HS1BP3: variants seen among roughly 807,000 people sequenced by gnomAD.
HS1BP3 encodes the protein HCLS1-binding protein 3.
A neutral mutation model predicts 33.5 loss-of-function variants in HS1BP3; 32 were observed. The observed-to-expected ratio is 0.95, with a 90% CI of 0.72 to 1.28. HS1BP3 has a LOEUF of 1.28. Ranked by LOEUF, HS1BP3 falls within the 50% of genes most tolerant of loss-of-function variation. The probability of loss-of-function intolerance (pLI) is 0.00; values close to 1 mark genes in which losing one functional copy is unlikely to be tolerated. For missense variants in HS1BP3, 486 were observed against 502.3 expected, an observed-to-expected ratio of 0.97 and a Z score of 0.31; for synonymous variants, 187 against 209.2, an observed-to-expected ratio of 0.89 and a Z score of 0.92.
intron 4 of HS1BP3, chr2:20,638,144 A>T (rs1695209168): frequency 1.8e-6 from 1 of 563,146 alleles, no homozygotes; most frequent in Non-Finnish European, 3.1e-6. Flanking sequence ...TGCACTACTG[A>T]GCTGTCACGG....
At chr2:20,595,953 C>G (rs940354827) in intron 3 of HS1BP3, among the ~76,000 whole-genome samples, 2 of 152,226 alleles carry the variant, frequency 1.3e-5, no homozygotes, top group African/African-American at 4.8e-5. Context: ...CACGTTCTTT[C>G]TTAATCACTG....
intron 2 of HS1BP3, among the ~76,000 whole-genome samples, chr2:20,599,807 G>GC (rs1694030943): frequency 6.6e-6 from 1 of 152,146 alleles, no homozygotes; most frequent in Non-Finnish European, 1.5e-5. Flanking sequence ...ATCAGGTCCA[G>GC]CTCCTGTGCC....
At chr2:20,604,159 CAG>C (rs1438444626) in intron 2 of HS1BP3, among the ~76,000 whole-genome samples, 2 of 152,346 alleles carry the variant, frequency 1.3e-5, no homozygotes, top group South Asian at 2.1e-4. Context: ...CTGAGAAACT[CAG>C]GGGAGGTTCT....
Position 20,645,363 on chromosome 2 carries a change from G to T in HS1BP3, c.175C>A (p.Pro59Thr). 6.2e-7 allele frequency: 1 copy of T among 1,613,872 alleles called. No homozygotes were observed. Among genetic ancestry groups the T allele is most frequent in the Non-Finnish European group, 8.5e-7 (1 of 1,179,938 alleles). ...LAAFKSAKHR[P>T]EDVVQFLVSK... ...ACCAAGAACTGGACGACATCCTCGGGCCTGTGCTTGGCCGACTTGAACGCA... is the reference window on the plus strand; with the variant it reads ...ACCAAGAACTGGACGACATCCTCGGTCCTGTGCTTGGCCGACTTGAACGCA... The change falls in exon 2 of 7, where the codon CCC (proline) becomes ACC (threonine). Residue 59 changes from proline to threonine, a missense_variant. Physicochemically the swap from Pro to Thr is conservative, Grantham distance 38. Coordinates refer to ENST00000304031, the MANE Select transcript of HS1BP3 (RefSeq NM_022460.4).
At chr2:20,598,571 T>G (rs955254098) in intron 2 of HS1BP3, among the ~76,000 whole-genome samples, 1 of 29,800 alleles carries the variant, frequency 3.4e-5, no homozygotes, top group African/African-American at 1.3e-4. Flanking sequence ...TTTTTTTTTT[T>G]TTTTTGAGAC....
chr2:20,602,604 A>G (rs1014682379), intron 2 of HS1BP3, among the ~76,000 whole-genome samples: 2 of 152,158 alleles, frequency 1.3e-5, no homozygotes, highest in African/African-American at 4.8e-5. Context: ...CTCATTTTGT[A>G]TACAGTTTTT....
chr2:20,606,493 G>A (rs959413615), intron 2 of HS1BP3: 20 of 475,382 alleles, frequency 4.2e-5, no homozygotes, highest in Middle Eastern at 7.7e-4. Context: ...GTTTGTCTTA[G>A]GTAGTTTTGT....
At chr2:20,625,555 CA>C (rs1234831933) in intron 4 of HS1BP3, among the ~76,000 whole-genome samples, 4 of 152,360 alleles carry the variant, frequency 2.6e-5, no homozygotes, top group Middle Eastern at 3.4e-3. Flanking sequence ...GTTTCCTTTG[CA>C]TGGTAAAACC....
At chr2:20,570,697 G>A (rs1471559806) in intron 5 of HS1BP3, among the ~76,000 whole-genome samples, 1 of 152,212 alleles carries the variant, frequency 6.6e-6, no homozygotes, top group Non-Finnish European at 1.5e-5. Context: ...GAGTTCCCAG[G>A]TGTTAGTAAG....
At chr2:20,557,426 C>T (rs755458832), downstream of HS1BP3, among the ~76,000 whole-genome samples, 5 of 152,176 alleles carry the variant, frequency 3.3e-5, no homozygotes, top group African/African-American at 4.8e-5. Flanking sequence ...CTCTGTTGGG[C>T]CACTTTTAGG....
At position 20,624,624 on chromosome 2, in the gene HS1BP3, CAG is replaced by C. The variant is rs909636835; in HGVS notation, c.784+106_784+107del. 54 of 1,030,504 alleles carry C rather than the reference CAG, an allele frequency of 5.2e-5. No homozygotes were observed. In the African/African-American group the frequency reaches 5.9e-4, roughly 11 times the overall value. The allele number at this position is 1,030,504 out of a possible 1,614,324, so 63.8% of individuals were successfully genotyped here. A position where few individuals can be genotyped will look rare whatever the true frequency, so the allele number is the denominator to read the frequency against. ...GAGTCTATATCACATCTAAACAGGA[CAG>C]GGGAGATATATGGGTCCTATTCACG... is the stretch of plus-strand genomic sequence containing the variant. On this transcript the variant is annotated intron_variant, in intron 5 of 6. Transcript: ENST00000304031.
downstream of HS1BP3, chr2:20,617,792 A>C (rs1053836429): frequency 5.2e-5 from 8 of 152,590 alleles, no homozygotes; most frequent in African/African-American, 1.9e-4. Context: ...CTAGCTCTGA[A>C]CATGAAGAAT....
intron 5 of HS1BP3, among the ~76,000 whole-genome samples, chr2:20,586,035 T>C (rs1055539014): frequency 1.3e-5 from 2 of 152,172 alleles, no homozygotes; most frequent in African/African-American, 2.4e-5. Context: ...TGCAGTGCCA[T>C]ACACCGTGGC....
At chr2:20,583,454 G>A (rs1419227793) in intron 5 of HS1BP3, among the ~76,000 whole-genome samples, 2 of 152,070 alleles carry the variant, frequency 1.3e-5, no homozygotes, top group Non-Finnish European at 2.9e-5. Flanking sequence ...TCACTATGGG[G>A]GCAGCACACC....
chr2:20,561,836 C>T (rs1558314252), intron 5 of HS1BP3, among the ~76,000 whole-genome samples: 1 of 151,944 alleles, frequency 6.6e-6, no homozygotes, highest in African/African-American at 2.4e-5. Flanking sequence ...ACTTGGGGGC[C>T]CCTGCATAGC....
chr2:20,588,618 C>T (rs779212776), downstream of HS1BP3, among the ~76,000 whole-genome samples: 7 of 152,326 alleles, frequency 4.6e-5, no homozygotes, highest in East Asian at 1.9e-4. Context: ...TGAACCACCA[C>T]GCCCAGCCTT....
chr2:20,595,229 G>C (rs548758601), intron 3 of HS1BP3, among the ~76,000 whole-genome samples: 1 of 152,292 alleles, frequency 6.6e-6, no homozygotes, highest in South Asian at 2.1e-4. Context: ...GTGACCCACA[G>C]AAACGCCATG....
chr2:20,599,651 C>CTCT (rs1332896492), intron 2 of HS1BP3, among the ~76,000 whole-genome samples: 9 of 142,900 alleles, frequency 6.3e-5, no homozygotes, highest in African/African-American at 2.3e-4. Flanking sequence ...CACACACACT[C>CTCT]TGTTTTTTTT....
At chr2:20,622,508 C>G (rs560221325) in intron 6 of HS1BP3, 1 of 366,044 alleles carries the variant, frequency 2.7e-6, no homozygotes, top group South Asian at 2.1e-5. Flanking sequence ...GGTGCTGGCC[C>G]GCGCACTACG....
Sources: allele counts gnomAD v4.1 joint callset (sites outside exome capture counted in the v4.1 genomes callset), GRCh38; gene constraint gnomAD v4.1.1; transcripts MANE v1.5; gene names NCBI Gene and HGNC (gene_info 2026-07-23, HGNC 2026-07-21).